MYT1L: variants seen among roughly 807,000 people sequenced by gnomAD.
MYT1L encodes myelin transcription factor 1-like protein.
MYT1L carries 12 observed loss-of-function variants against 126.7 expected under a neutral mutation model. That is an observed-to-expected ratio of 0.09 (90% CI 0.06 to 0.15). The LOEUF (loss-of-function observed/expected upper bound fraction) is 0.15. Ranked by LOEUF, MYT1L falls within the 10% of genes least tolerant of loss-of-function variation. The pLI, the probability that MYT1L is intolerant of heterozygous loss-of-function variation, is 1.00. For missense variants in MYT1L, 979 were observed against 1,585.2 expected (o/e 0.62, Z 6.49); for synonymous variants, 541 against 604.2 (o/e 0.90, Z 1.53).
chr2:2,005,583 CTTTCCTGCAGGCATTA>C (rs1443502888), intron 4 of MYT1L, among the ~76,000 whole-genome samples: 2 of 151,048 alleles, frequency 1.3e-5, no homozygotes, highest in African/African-American at 2.4e-5. Flanking sequence ...TGCATGCATT[CTTTCCTGCAGGCATTA>C]TTTCCTGCAT....
intron 18 of MYT1L, among the ~76,000 whole-genome samples, chr2:1,885,747 C>G (rs1021158802): frequency 1.3e-5 from 2 of 152,172 alleles, no homozygotes; most frequent in Non-Finnish European, 1.5e-5. Context: ...TCTCATCTCG[C>G]TGTGAGCATC....
chr2:1,986,350 G>A (rs947130212), intron 5 of MYT1L, among the ~76,000 whole-genome samples: 11 of 152,146 alleles, frequency 7.2e-5, no homozygotes, highest in Admixed American at 1.3e-4. Flanking sequence ...ATCACTGGAC[G>A]TTAAGCCAGA....
rs2076146956 is a variant in MYT1L, at chr2:2,084,326, C to T, written c.-303-30203G>A. On this transcript the variant is annotated intron_variant, in intron 3 of 24. Transcript: ENST00000647738. ...CAGCTCTTCCAGAGTTCCTGCTTAC[C>T]CCATCTCCTGGTCATGCCTCTCTTC... Among the ~76,000 whole-genome samples, 3 of 152,218 alleles carry T rather than the reference C, an allele frequency of 2.0e-5. No homozygotes were observed. In the South Asian group the frequency reaches 6.2e-4, roughly 32 times the overall value.
chr2:2,016,092 C>G (rs1169063141), intron 4 of MYT1L, among the ~76,000 whole-genome samples: 5 of 152,210 alleles, frequency 3.3e-5, no homozygotes, highest in Non-Finnish European at 7.3e-5. Flanking sequence ...TCAGCTAAAG[C>G]CTTGTAAGGA....
At chr2:1,854,867 G>A (rs1051623892) in intron 18 of MYT1L, among the ~76,000 whole-genome samples, 11 of 152,108 alleles carry the variant, frequency 7.2e-5, no homozygotes, top group African/African-American at 2.7e-4. Context: ...TCCTGTGAAC[G>A]CCACAGTTCA....
intron 2 of MYT1L, among the ~76,000 whole-genome samples, chr2:2,257,234 A>G (rs1406437009): frequency 6.6e-6 from 1 of 152,160 alleles, no homozygotes; most frequent in East Asian, 1.9e-4. Flanking sequence ...CTGTGGAGTG[A>G]AAATTAATTC....
intron 2 of MYT1L, among the ~76,000 whole-genome samples, chr2:2,216,203 G>T (rs1473731618): frequency 6.6e-6 from 1 of 152,040 alleles, no homozygotes; most frequent in Non-Finnish European, 1.5e-5. Flanking sequence ...CCAGTCTCAG[G>T]TATTTCTTTA....
rs1433718668 is a variant in MYT1L, at chr2:1,929,234, G to A, written c.506-5971C>T. 1.3e-5 allele frequency among the ~76,000 whole-genome samples: 2 copies of A among 152,052 alleles called. No individual in the cohort carries two copies. Among genetic ancestry groups the A allele is most frequent in the Non-Finnish European group, 2.9e-5 (2 of 68,006 alleles). ...CTCTCCTAGGTGCGGCGCTGACCTCGGCGCCCCTCAGCTGCCGGCAGCACA... is the reference window on the plus strand; with the variant it reads ...CTCTCCTAGGTGCGGCGCTGACCTCAGCGCCCCTCAGCTGCCGGCAGCACA... On this transcript the variant is annotated intron_variant, in intron 9 of 24. Transcript: ENST00000647738. The surrounding 1 kb of genome is among the most constrained non-coding windows in gnomAD (Gnocchi z 4.7).
intron 14 of MYT1L, among the ~76,000 whole-genome samples, chr2:1,892,899 C>T (rs962870748): frequency 1.3e-5 from 2 of 152,154 alleles, no homozygotes. Flanking sequence ...TAGGGTGAGT[C>T]CAACATCCTT....
At chr2:2,262,939 GATAT>G (rs60682131) in intron 2 of MYT1L, among the ~76,000 whole-genome samples, 878 of 51,994 alleles carry the variant, frequency 0.017, 177 homozygotes, top group African/African-American at 0.063. Context: ...TATAACCTGT[GATAT>G]ATATATATAT....
In MYT1L at chr2:1,917,195, G is replaced by A. The variant is rs368216572; in HGVS notation, c.1618+10C>T. 1.7e-5 allele frequency: 28 copies of A among 1,611,204 alleles called. No homozygotes were observed. The African/African-American group carries it at 3.2e-4, about 18-fold the overall frequency. ...GCACCCCCAAGGGTAGCGGTGAGAC[G>A]TGGACTTACTTTCTGGAGGGACCCT... On this transcript the variant is annotated intron_variant, in intron 11 of 24. Coordinates refer to ENST00000647738, the MANE Select transcript of MYT1L (RefSeq NM_001303052.2). This position sits in a 1 kb window ranked among gnomAD's most constrained non-coding sequence, Gnocchi z 5.9.
intron 3 of MYT1L, among the ~76,000 whole-genome samples, chr2:2,161,268 A>G (rs530625532): frequency 1.3e-5 from 2 of 152,324 alleles, no homozygotes; most frequent in Admixed American, 1.3e-4. Context: ...GTGAGACCAT[A>G]TGGGAAATGT....
chr2:2,165,962 A>G lies in MYT1L; in HGVS notation c.-304+6910T>C, dbSNP rs150200982. 3.5e-3 allele frequency among the ~76,000 whole-genome samples: 532 copies of G among 152,202 alleles called. 4 individuals carry two copies. The highest frequency in any genetic ancestry group is 0.012 in the African/African-American group (510 of 41,554). On this transcript the variant is annotated intron_variant, in intron 3 of 24. Coordinates refer to ENST00000647738, the MANE Select transcript of MYT1L (RefSeq NM_001303052.2). Reference sequence around the variant, plus strand: ...AAAAAATAAAATCTTTTATTTTTCTACTTTGTAAAGTTTTAAAGTACAGAA... The same window carrying G: ...AAAAAATAAAATCTTTTATTTTTCTGCTTTGTAAAGTTTTAAAGTACAGAA...
chr2:2,088,142 T>C (rs532905878), intron 3 of MYT1L, among the ~76,000 whole-genome samples: 61 of 152,272 alleles, frequency 4.0e-4, no homozygotes, highest in African/African-American at 1.4e-3. Context: ...CTGAGCCACA[T>C]ACAGTGTGAT....
chr2:1,964,446 C>G (rs1255165363), intron 8 of MYT1L, among the ~76,000 whole-genome samples: 1 of 152,204 alleles, frequency 6.6e-6, no homozygotes, highest in Non-Finnish European at 1.5e-5. Flanking sequence ...TTGCCACAAA[C>G]CTTCAGTTTG....
At chr2:1,882,310 C>A (rs755818851) in intron 18 of MYT1L, among the ~76,000 whole-genome samples, 1 of 152,138 alleles carries the variant, frequency 6.6e-6, no homozygotes, top group Non-Finnish European at 1.5e-5. Context: ...CACCTCTTCT[C>A]CCCCGAGACA....
Position 2,038,735 on chromosome 2 carries a change from T to C in MYT1L, c.-158+15243A>G, listed in dbSNP as rs113104456. Among the ~76,000 whole-genome samples the C allele has an allele frequency of 4.7e-3, 716 of 152,038 alleles. 6 individuals are homozygous for C. Among genetic ancestry groups the C allele is most frequent in the African/African-American group, 0.017 (693 of 41,450 alleles). ...CCGAACTCCCTGGCATGTGGAAAGG[T>C]CACAGGTGGTGAGGCCCTGGTTGAT... On this transcript the variant is annotated intron_variant, in intron 4 of 24. Coordinates refer to ENST00000647738, the MANE Select transcript of MYT1L (RefSeq NM_001303052.2).
intron 3 of MYT1L, among the ~76,000 whole-genome samples, chr2:2,082,969 C>T (rs1245496630): frequency 6.6e-6 from 1 of 152,068 alleles, no homozygotes; most frequent in African/African-American, 2.4e-5. Context: ...AGATGCATCT[C>T]AAGGGGCCTG....
At chr2:1,870,230 A>G (rs910793711) in intron 18 of MYT1L, among the ~76,000 whole-genome samples, 1 of 152,208 alleles carries the variant, frequency 6.6e-6, no homozygotes, top group Non-Finnish European at 1.5e-5. Context: ...CCCAAGCTGC[A>G]TGGATTTGGG....
Sources: allele counts gnomAD v4.1 joint callset (sites outside exome capture counted in the v4.1 genomes callset), GRCh38; gene constraint gnomAD v4.1.1; non-coding constraint Gnocchi (gnomAD v3.1); transcripts MANE v1.5; gene names NCBI Gene and HGNC (gene_info 2026-07-23, HGNC 2026-07-21).